RPL26L1: variants seen among roughly 807,000 people sequenced by gnomAD.
RPL26L1 encodes ribosomal protein L26 like 1, also known as ribosomal protein uL24-like.
A neutral mutation model predicts 15.2 loss-of-function variants in RPL26L1; 8 were observed. The ratio of observed to expected loss-of-function variants is 0.53; its 90% confidence interval spans 0.31 to 0.95. RPL26L1 has a LOEUF of 0.95. Ranked by LOEUF, RPL26L1 falls within the 40% of genes least tolerant of loss-of-function variation. The probability of loss-of-function intolerance (pLI) is 0.05; values close to 1 mark genes in which losing one functional copy is unlikely to be tolerated. For synonymous variants in RPL26L1, 51 were observed against 65.9 expected, an observed-to-expected ratio of 0.77 and a Z score of 1.09; for missense variants, 146 against 190.9, an observed-to-expected ratio of 0.76 and a Z score of 1.39.
At position 172,969,581 on chromosome 5, in the gene RPL26L1, T is replaced by A. The variant is rs543940851; in HGVS notation, c.*40T>A. 1 of 1,589,444 alleles carries A rather than the reference T, an allele frequency of 6.3e-7. No individual in the cohort carries two copies. Among genetic ancestry groups the A allele is most frequent in the Non-Finnish European group, 8.6e-7 (1 of 1,164,118 alleles). On this transcript the variant is annotated 3_prime_UTR_variant, in exon 4 of 4. Transcript: ENST00000265100. ...GCAACCACGGTTTAACCGGAGATTT[T>A]GAGGCTAGGGTGTGTTTCTTTCGAA...
At chr5:172,955,059 G>C (rs1180230982), upstream of RPL26L1, 1 of 455,544 alleles carries the variant, frequency 2.2e-6, no homozygotes, top group Non-Finnish European at 4.4e-6. Flanking sequence ...GGTGAAACCT[G>C]GGAAGAGGGG....
Position 172,959,472 on chromosome 5 carries a change from A to G in RPL26L1, c.-10+4A>G. Reference sequence around the variant, plus strand: ...GTCTGAGGCAGCTAGTAGCCGGGTGAGTGGAGGCTGGAGTTTTCTCGGACA... The same window carrying G: ...GTCTGAGGCAGCTAGTAGCCGGGTGGGTGGAGGCTGGAGTTTTCTCGGACA... On this transcript the variant is annotated splice_donor_region_variant and intron_variant, in intron 1 of 3. Coordinates refer to ENST00000265100, the MANE Select transcript of RPL26L1 (RefSeq NM_016093.4). 1.5e-5 allele frequency: 15 copies of G among 1,018,150 alleles called. No homozygotes were observed. Among genetic ancestry groups the G allele is most frequent in the Non-Finnish European group, 1.7e-5 (14 of 846,646 alleles). 63.1% of individuals were successfully genotyped at this position (1,018,150 alleles called of 1,614,324 possible). A position where few individuals can be genotyped will look rare whatever the true frequency, so the allele number is the denominator to read the frequency against.
upstream of RPL26L1, chr5:172,954,653 C>T (rs569540647): frequency 1.0e-3 from 265 of 258,492 alleles, 1 homozygote; most frequent in South Asian, 0.01. Flanking sequence ...AGACAGAGAA[C>T]GGAACAACTG....
chr5:172,966,313 A>ATTTTTTTTTTTTTTTTTT (rs386405707), intron 2 of RPL26L1, among the ~76,000 whole-genome samples: 2 of 63,664 alleles, frequency 3.1e-5, no homozygotes, highest in Non-Finnish European at 2.7e-5. Flanking sequence ...CTGGCTAACT[A>ATTTTTTTTTTTTTTTTTT]TTTTTTTTTT....
Position 172,963,503 on chromosome 5 carries a change from G to A in RPL26L1, c.168+3462G>A, listed in dbSNP as rs1205596684. 2.6e-5 allele frequency among the ~76,000 whole-genome samples: 4 copies of A among 152,094 alleles called. No homozygotes were observed. The East Asian group carries it at 7.7e-4, about 29-fold the overall frequency. On this transcript the variant is annotated intron_variant, in intron 2 of 3. Coordinates refer to ENST00000265100, the MANE Select transcript of RPL26L1 (RefSeq NM_016093.4). ...CACTTTAACCACACTGGGCTTCTGGGGTCTTTAAATACACCTTGATCTTTT... is the reference window on the plus strand; with the variant it reads ...CACTTTAACCACACTGGGCTTCTGGAGTCTTTAAATACACCTTGATCTTTT...
upstream of RPL26L1, chr5:172,959,340 C>G (rs1414356745): frequency 7.0e-6 from 7 of 1,002,450 alleles, no homozygotes; most frequent in African/African-American, 1.2e-4. Context: ...GATCCCACCC[C>G]AAGCCGCTGG....
intron 2 of RPL26L1, among the ~76,000 whole-genome samples, chr5:172,965,868 G>A (rs909228684): frequency 1.3e-5 from 2 of 152,154 alleles, no homozygotes; most frequent in South Asian, 4.1e-4. Flanking sequence ...TGAATTCTCT[G>A]TTAGAATGTC....
chr5:172,959,463 A>G lies in RPL26L1; in HGVS notation c.-15A>G, dbSNP rs1440019536. On this transcript the variant is annotated 5_prime_UTR_variant, in exon 1 of 4. Transcript: ENST00000265100. ...GCACTCAGGGTCTGAGGCAGCTAGT[A>G]GCCGGGTGAGTGGAGGCTGGAGTTT... 12 of 1,016,482 alleles carry G rather than the reference A, an allele frequency of 1.2e-5. No individual in the cohort carries two copies. The highest frequency in any genetic ancestry group is 5.2e-5 in the Admixed American group (1 of 19,398). The allele number at this position is 1,016,482 out of a possible 1,614,324, so 63.0% of individuals were successfully genotyped here. A position where few individuals can be genotyped will look rare whatever the true frequency, so the allele number is the denominator to read the frequency against.
chr5:172,955,220 C>G (rs993149216), upstream of RPL26L1: 20 of 342,300 alleles, frequency 5.8e-5, no homozygotes, highest in African/African-American at 4.4e-4. Context: ...CATCTACCTC[C>G]CAGATTCAAG....
intron 2 of RPL26L1, among the ~76,000 whole-genome samples, chr5:172,964,910 G>T (rs909058605): frequency 2.6e-5 from 4 of 152,172 alleles, no homozygotes; most frequent in Non-Finnish European, 4.4e-5. Context: ...CAGGCCTGGT[G>T]CAGTGGCTCA....
chr5:172,961,655 T>C (rs1352353340), intron 2 of RPL26L1, among the ~76,000 whole-genome samples: 1 of 152,250 alleles, frequency 6.6e-6, no homozygotes, highest in East Asian at 1.9e-4. Flanking sequence ...AGATCACTAA[T>C]AATCCCTTCG....
upstream of RPL26L1, chr5:172,959,302 C>A: frequency 1.1e-6 from 1 of 947,632 alleles, no homozygotes; most frequent in Non-Finnish European, 1.3e-6. Flanking sequence ...GCATCGCCCT[C>A]CCGGGGCCGC....
chr5:172,959,303 C>G (rs1755120458), upstream of RPL26L1: 39 of 949,710 alleles, frequency 4.1e-5, no homozygotes, highest in Non-Finnish European at 4.8e-5. Context: ...CATCGCCCTC[C>G]CGGGGCCGCC....
chr5:172,954,984 C>T (rs1476235234), upstream of RPL26L1: 1 of 455,980 alleles, frequency 2.2e-6, no homozygotes, highest in Non-Finnish European at 4.4e-6. Flanking sequence ...GCGGAAGAGG[C>T]GTCTCTGGAG....
chr5:172,954,424 G>C (rs931771764), upstream of RPL26L1, among the ~76,000 whole-genome samples: 1 of 151,084 alleles, frequency 6.6e-6, no homozygotes, highest in Non-Finnish European at 1.5e-5. Flanking sequence ...ACAAAAATTA[G>C]TGGGCGTGGT....
intron 2 of RPL26L1, among the ~76,000 whole-genome samples, chr5:172,964,134 CATTTATTT>C (rs374541148): frequency 0.012 from 1,764 of 151,818 alleles, 35 homozygotes; most frequent in African/African-American, 0.041. Flanking sequence ...AAATTAGAGA[CATTTATTT>C]ATTTATTTAT....
chr5:172,958,390 C>T (rs771701589), upstream of RPL26L1: 5 of 456,042 alleles, frequency 1.1e-5, no homozygotes, highest in Non-Finnish European at 1.8e-5. Context: ...GGCTGCTGTA[C>T]TTGCAAGACA....
upstream of RPL26L1, chr5:172,955,142 T>G (rs1764329367): frequency 5.4e-6 from 2 of 371,966 alleles, no homozygotes; most frequent in East Asian, 7.4e-5. Flanking sequence ...TTTTTTTTTT[T>G]TTTTTTTTTT....
rs147907194 is a variant in RPL26L1, at chr5:172,969,572, C to G, written c.*31C>G. On this transcript the variant is annotated 3_prime_UTR_variant, in exon 4 of 4. Transcript: ENST00000265100. ...ACCTGTTGTGCAACCACGGTTTAAC[C>G]GGAGATTTTGAGGCTAGGGTGTGTT... 3 of 1,591,834 alleles carry G rather than the reference C, an allele frequency of 1.9e-6. No individual in the cohort carries two copies. Among genetic ancestry groups the G allele is most frequent in the Non-Finnish European group, 2.6e-6 (3 of 1,165,894 alleles).
Sources: gnomAD v4.1 joint callset for allele counts (sites outside exome capture counted in the v4.1 genomes callset) on GRCh38, gnomAD v4.1.1 for gene constraint, MANE v1.5 for transcripts, NCBI Gene and HGNC (gene_info 2026-07-23, HGNC 2026-07-21) for gene names.